The following ARHGAP24 variants were observed in gnomAD, a reference collection of about 807,000 sequenced individuals.
ARHGAP24 encodes Rho GTPase activating protein 24, also known as rho GTPase-activating protein 24.
In ARHGAP24, 50 loss-of-function variants were observed where a neutral mutation model predicts 76.4. The observed-to-expected ratio is 0.65, with a 90% CI of 0.52 to 0.83. The LOEUF (loss-of-function observed/expected upper bound fraction) is 0.83, where lower values mean the gene tolerates loss of function less well. Among genes scored for constraint, ARHGAP24 ranks in the 40% least tolerant of loss-of-function variants. The pLI is 0.00. For synonymous variants in ARHGAP24, 345 were observed against 323.3 expected, an observed-to-expected ratio of 1.07 and a Z score of -0.72; for missense variants, 930 against 914.2, an observed-to-expected ratio of 1.02 and a Z score of -0.22.
rs532142463 is a variant in ARHGAP24 at position 85,998,397 on chromosome 4, T to C, written c.2004-2082T>C. ...TTCTGATATTAATATTGTCCTACCA[T>C]CTTCCTTTGATTAGTAACTTCCTGA... is the stretch of plus-strand genomic sequence containing the variant. On this transcript the variant is annotated intron_variant, in intron 9 of 9. Coordinates refer to ENST00000395184, the MANE Select transcript of ARHGAP24 (RefSeq NM_001025616.3). Among the ~76,000 whole-genome samples the C allele has an allele frequency of 2.4e-4, 36 of 152,292 alleles. No individual in the cohort carries two copies. The South Asian group carries it at 5.4e-3, about 23-fold the overall frequency.
At chr4:85,650,094 G>T (rs1219781537) in intron 2 of ARHGAP24, among the ~76,000 whole-genome samples, 1 of 151,948 alleles carries the variant, frequency 6.6e-6, no homozygotes, top group Non-Finnish European at 1.5e-5. Context: ...TCCAATATAC[G>T]GTGTAAATTT....
chr4:85,978,270 A>G (rs889985069), intron 8 of ARHGAP24, among the ~76,000 whole-genome samples: 6 of 152,226 alleles, frequency 3.9e-5, no homozygotes, highest in African/African-American at 1.4e-4. Flanking sequence ...AACTGGACTA[A>G]TTTATGATTT....
chr4:85,893,631 G>T (rs1733961508), intron 3 of ARHGAP24, among the ~76,000 whole-genome samples: 1 of 109,118 alleles, frequency 9.2e-6, no homozygotes, highest in African/African-American at 3.7e-5. Context: ...GCTTAGTTTG[G>T]CTGGATATGA....
intron 3 of ARHGAP24, among the ~76,000 whole-genome samples, chr4:85,911,542 A>G (rs897038614): frequency 3.3e-5 from 5 of 152,202 alleles, no homozygotes; most frequent in Non-Finnish European, 5.9e-5. Context: ...TAAAAGTTTT[A>G]TCGTATTTGC....
intron 1 of ARHGAP24, among the ~76,000 whole-genome samples, chr4:85,541,835 G>A (rs1443836432): frequency 3.9e-5 from 6 of 151,998 alleles, no homozygotes; most frequent in Non-Finnish European, 7.3e-5. Context: ...GTGGGTTGAC[G>A]TTTGAGTTGG....
intron 3 of ARHGAP24, among the ~76,000 whole-genome samples, chr4:85,779,429 T>C (rs746698455): frequency 1.3e-4 from 20 of 152,196 alleles, no homozygotes; most frequent in Non-Finnish European, 2.2e-4. Context: ...CTAGGCACTT[T>C]AACTGATTCA....
At chr4:85,568,901 C>A (rs1726960908) in intron 1 of ARHGAP24, among the ~76,000 whole-genome samples, 1 of 152,114 alleles carries the variant, frequency 6.6e-6, no homozygotes, top group African/African-American at 2.4e-5. Context: ...GTGAAGGAGG[C>A]AAATCTTCTG....
chr4:85,660,250 C>G (rs757243094), intron 2 of ARHGAP24, among the ~76,000 whole-genome samples: 1 of 152,182 alleles, frequency 6.6e-6, no homozygotes, highest in African/African-American at 2.4e-5. Flanking sequence ...GGAAAATGTA[C>G]TTGCTAATGA....
intron 3 of ARHGAP24, among the ~76,000 whole-genome samples, chr4:85,810,915 C>T (rs538066100): frequency 6.6e-6 from 1 of 152,268 alleles, no homozygotes; most frequent in South Asian, 2.1e-4. Context: ...AATCAAAACA[C>T]CCTCCATGTT....
chr4:85,806,379 TTAATTGTTGAAAATATGTA>T (rs1253164776), intron 3 of ARHGAP24, among the ~76,000 whole-genome samples: 1 of 152,202 alleles, frequency 6.6e-6, no homozygotes, highest in African/African-American at 2.4e-5. Context: ...GTTAGTATAA[TTAATTGTTGAAAATATGTA>T]TAATTGTTGA....
chr4:85,777,832 T>C (rs1306960603), intron 3 of ARHGAP24, among the ~76,000 whole-genome samples: 1 of 152,126 alleles, frequency 6.6e-6, no homozygotes, highest in East Asian at 1.9e-4. Flanking sequence ...ATTATTATAA[T>C]AAGCACATCA....
chr4:85,812,534 AT>A (rs1433783132), intron 3 of ARHGAP24, among the ~76,000 whole-genome samples: 1 of 152,116 alleles, frequency 6.6e-6, no homozygotes, highest in Non-Finnish European at 1.5e-5. Context: ...AAAAAAAAAA[AT>A]CTCCTGTGTT....
At chr4:85,521,160 A>G (rs1724729410) in intron 1 of ARHGAP24, among the ~76,000 whole-genome samples, 1 of 152,098 alleles carries the variant, frequency 6.6e-6, no homozygotes, top group Admixed American at 6.6e-5. Flanking sequence ...CTTTTTCCCA[A>G]ACCCTTTACT....
At chr4:85,836,079 T>A (rs891800046) in intron 3 of ARHGAP24, among the ~76,000 whole-genome samples, 1 of 152,140 alleles carries the variant, frequency 6.6e-6, no homozygotes, top group Middle Eastern at 3.2e-3. Context: ...GCAGTGACAG[T>A]AGGAGCAATG....
In ARHGAP24 at chr4:85,995,622, C is replaced by A; in HGVS notation, c.1968C>A (p.Thr656=). ...SLVSSLKQEM[T]KQKIEYESRI... ...TTTCCAGCCTGAAACAGGAAATGAC[C>A]AAACAGAAGATAGAGTATGAGTCCA... The change falls in exon 9 of 10, where the codon ACC becomes ACA. Residue 656 remains threonine (T), a synonymous_variant. Transcript: ENST00000395184. 1 of 1,613,842 alleles carries A rather than the reference C, an allele frequency of 6.2e-7. No homozygotes were observed. The highest frequency in any genetic ancestry group is 1.1e-5 in the South Asian group (1 of 91,048).
intron 3 of ARHGAP24, among the ~76,000 whole-genome samples, chr4:85,758,961 C>T (rs1037525873): frequency 6.6e-6 from 1 of 152,056 alleles, no homozygotes; most frequent in Non-Finnish European, 1.5e-5. Flanking sequence ...TCCTTTTTAT[C>T]GTTACGCTAC....
At chr4:85,803,716 A>G (rs1728671560) in intron 3 of ARHGAP24, among the ~76,000 whole-genome samples, 1 of 152,158 alleles carries the variant, frequency 6.6e-6, no homozygotes. Context: ...TGTGATTTAC[A>G]GGGCAGTTCA....
chr4:85,896,510 G>A (rs1734187071), intron 3 of ARHGAP24, among the ~76,000 whole-genome samples: 1 of 152,188 alleles, frequency 6.6e-6, no homozygotes. Context: ...CTAATGGGTA[G>A]AATATACTGT....
intron 3 of ARHGAP24, among the ~76,000 whole-genome samples, chr4:85,857,820 T>G (rs1441116028): frequency 2.0e-5 from 3 of 152,168 alleles, no homozygotes; most frequent in African/African-American, 7.2e-5. Flanking sequence ...AGATGCAGGT[T>G]AGTGAGCATG....
Sources: gnomAD v4.1 joint callset for allele counts (sites outside exome capture counted in the v4.1 genomes callset) on GRCh38, gnomAD v4.1.1 for gene constraint, MANE v1.5 for transcripts, NCBI Gene and HGNC (gene_info 2026-07-23, HGNC 2026-07-21) for gene names.